FOXN3: variants seen among roughly 807,000 people sequenced by gnomAD.
FOXN3 encodes the protein forkhead box protein N3.
Under a neutral mutation model 38.4 loss-of-function variants are expected in FOXN3, and 7 were observed. That is an observed-to-expected ratio of 0.18 (90% CI 0.10 to 0.34). FOXN3 has a LOEUF of 0.34. Ranked by LOEUF, FOXN3 falls within the 10% of genes least tolerant of loss-of-function variation. The pLI is 1.00. For synonymous variants in FOXN3, 230 were observed against 242.2 expected, an observed-to-expected ratio of 0.95 and a Z score of 0.47; for missense variants, 456 against 613.4, an observed-to-expected ratio of 0.74 and a Z score of 2.71.
intron 1 of FOXN3, among the ~76,000 whole-genome samples, chr14:89,443,482 G>C (rs1380615551): frequency 6.6e-6 from 1 of 152,194 alleles, no homozygotes; most frequent in Non-Finnish European, 1.5e-5. Context: ...GATATTCAAG[G>C]AATGTTTTGG....
chr14:89,393,887 A>C (rs1566976236), intron 2 of FOXN3, among the ~76,000 whole-genome samples: 1 of 152,182 alleles, frequency 6.6e-6, no homozygotes, highest in Non-Finnish European at 1.5e-5. Flanking sequence ...TCACAAGTAC[A>C]TTTCATAGCC....
intron 1 of FOXN3, among the ~76,000 whole-genome samples, chr14:89,524,013 G>A (rs1044915950): frequency 2.0e-5 from 3 of 150,468 alleles, no homozygotes; most frequent in Admixed American, 6.6e-5. Context: ...CACCCACCTC[G>A]GCCTCCCAAA....
chr14:89,489,616 G>A (rs984157749), intron 1 of FOXN3, among the ~76,000 whole-genome samples: 44 of 152,214 alleles, frequency 2.9e-4, no homozygotes, highest in African/African-American at 9.6e-4. Context: ...CAGCAACACC[G>A]ACATATACGA....
chr14:89,229,238 G>A (rs777509368), intron 4 of FOXN3, among the ~76,000 whole-genome samples: 3 of 152,282 alleles, frequency 2.0e-5, no homozygotes, highest in South Asian at 2.1e-4. Flanking sequence ...GACAAAATTC[G>A]TCACATTGAT....
At chr14:89,363,718 T>C (rs1189187297) in intron 2 of FOXN3, among the ~76,000 whole-genome samples, 2 of 152,150 alleles carry the variant, frequency 1.3e-5, no homozygotes, top group South Asian at 2.1e-4. Flanking sequence ...TAGGTGGTAC[T>C]AGCAGAAGAA....
At chr14:89,431,849 G>A (rs1228342148) in intron 1 of FOXN3, among the ~76,000 whole-genome samples, 1 of 152,108 alleles carries the variant, frequency 6.6e-6, no homozygotes, top group Admixed American at 6.5e-5. Context: ...CGAGTAGCTT[G>A]GATTACAGGC....
rs530283576 is a variant in FOXN3, at chr14:89,443,466, G to A, written c.-14-30976C>T. Among the ~76,000 whole-genome samples, 5 of 152,236 alleles carry A rather than the reference G, an allele frequency of 3.3e-5. No individual in the cohort carries two copies. The South Asian group carries it at 1.0e-3, about 32-fold the overall frequency. On this transcript the variant is annotated intron_variant, in intron 1 of 6. Transcript: ENST00000345097. Reference sequence around the variant, plus strand: ...AAGGGAAACTGAGCTCATCACCACAGGCTGAGATATTCAAGGAATGTTTTG... The same window carrying A: ...AAGGGAAACTGAGCTCATCACCACAAGCTGAGATATTCAAGGAATGTTTTG...
intron 4 of FOXN3, among the ~76,000 whole-genome samples, chr14:89,277,291 G>A (rs1886327898): frequency 1.3e-5 from 2 of 152,128 alleles, no homozygotes; most frequent in Non-Finnish European, 2.9e-5. Context: ...CCTGTCAGCT[G>A]GCCACGCCTG....
chr14:89,287,771 A>T (rs907627157), intron 3 of FOXN3, among the ~76,000 whole-genome samples: 1 of 148,036 alleles, frequency 6.8e-6, no homozygotes, highest in African/African-American at 2.5e-5. Context: ...AAAAAAAAAA[A>T]AGTAACTGTT....
At chr14:89,375,301 G>T (rs1293488292) in intron 2 of FOXN3, among the ~76,000 whole-genome samples, 1 of 152,016 alleles carries the variant, frequency 6.6e-6, no homozygotes, top group Non-Finnish European at 1.5e-5. Context: ...ATGCCTCAAT[G>T]AAGTTTTTTT....
intron 1 of FOXN3, among the ~76,000 whole-genome samples, chr14:89,422,572 G>A (rs1480088737): frequency 6.6e-6 from 1 of 152,162 alleles, no homozygotes. Context: ...GTCTGAGAAC[G>A]CTGTTTGTAA....
chr14:89,284,715 A>G (rs1277088836), intron 3 of FOXN3, among the ~76,000 whole-genome samples: 1 of 152,228 alleles, frequency 6.6e-6, no homozygotes, highest in Non-Finnish European at 1.5e-5. Context: ...CTTCAGCAGT[A>G]TAAGCCAGAC....
At chr14:89,398,863 T>C (rs544832721) in intron 2 of FOXN3, among the ~76,000 whole-genome samples, 1 of 152,294 alleles carries the variant, frequency 6.6e-6, no homozygotes, top group South Asian at 2.1e-4. Context: ...CACATGCCTG[T>C]AATCCCAGCT....
intron 1 of FOXN3, among the ~76,000 whole-genome samples, chr14:89,608,355 T>G: frequency 6.6e-6 from 1 of 152,226 alleles, no homozygotes; most frequent in Non-Finnish European, 1.5e-5. Flanking sequence ...TTGGCCAGGA[T>G]GGTCTCGATC....
At chr14:89,202,542 T>C (rs889133571) in intron 4 of FOXN3, among the ~76,000 whole-genome samples, 1 of 152,228 alleles carries the variant, frequency 6.6e-6, no homozygotes, top group African/African-American at 2.4e-5. Flanking sequence ...ATGCTGAAGT[T>C]TGATCCCCAG....
Position 89,226,198 on chromosome 14 carries a change from AG to A in FOXN3, c.746-45393del, listed in dbSNP as rs561026744. Among the ~76,000 whole-genome samples, 279 of 149,420 alleles carry A rather than the reference AG, an allele frequency of 1.9e-3. 2 individuals carry two copies. The highest frequency in any genetic ancestry group is 6.6e-3 in the African/African-American group (269 of 41,026). On this transcript the variant is annotated intron_variant, in intron 4 of 5. Coordinates refer to ENST00000557258, the MANE Select transcript of FOXN3 (RefSeq NM_005197.4). ...CATAAAAAAAAAAAAAAGGAGGGACAGGGAGAGGGAAAAGGAGAGGGAGAGG... is the reference window on the plus strand; with the variant it reads ...CATAAAAAAAAAAAAAAGGAGGGACAGGAGAGGGAAAAGGAGAGGGAGAGG...
At chr14:89,297,941 T>C (rs746097037) in intron 3 of FOXN3, among the ~76,000 whole-genome samples, 3 of 152,162 alleles carry the variant, frequency 2.0e-5, no homozygotes, top group Non-Finnish European at 4.4e-5. Context: ...GCTATAATCA[T>C]GCTACTGCAC....
At chr14:89,291,964 G>C (rs557232321) in intron 3 of FOXN3, among the ~76,000 whole-genome samples, 81 of 152,152 alleles carry the variant, frequency 5.3e-4, no homozygotes, top group African/African-American at 1.7e-3. Flanking sequence ...TGTCCACTGG[G>C]GAATAAAACT....
chr14:89,493,025 A>G lies in FOXN3; in HGVS notation c.-14-80535T>C, dbSNP rs115289409. ...GACTATAAAGAATAATATGCAGTAC[A>G]TACTGTAGATAGTTCCCTGTGCACA... On this transcript the variant is annotated intron_variant, in intron 1 of 6. Transcript: ENST00000345097. 5.5e-3 allele frequency among the ~76,000 whole-genome samples: 837 copies of G among 152,312 alleles called. 9 individuals carry two copies. Among genetic ancestry groups the G allele is most frequent in the African/African-American group, 0.019 (783 of 41,560 alleles).
Sources: gnomAD v4.1 joint callset for allele counts (sites outside exome capture counted in the v4.1 genomes callset) on GRCh38, gnomAD v4.1.1 for gene constraint, MANE v1.5 for transcripts, NCBI Gene and HGNC (gene_info 2026-07-23, HGNC 2026-07-21) for gene names.